The following CARS1 variants were observed in gnomAD, a reference collection of about 807,000 sequenced individuals.
The protein encoded by CARS1 is cysteinyl-tRNA synthetase 1, also known as cysteine--tRNA ligase, cytoplasmic.
CARS1 carries 48 observed loss-of-function variants against 106.2 expected under a neutral mutation model. The ratio of observed to expected loss-of-function variants is 0.45; its 90% CI spans 0.36 to 0.57. The LOEUF is 0.57. Ranked by LOEUF, CARS1 falls within the 20% of genes least tolerant of loss-of-function variation. CARS1 has a pLI of 0.00. For synonymous variants in CARS1, 409 were observed against 403.4 expected (o/e 1.01, Z -0.17); for missense variants, 968 against 1,057.2 (o/e 0.92, Z 1.17).
In CARS1 at chr11:3,043,112, T is replaced by C. The variant is rs1448575919; in HGVS notation, c.275-856A>G. On this transcript the variant is annotated intron_variant, in intron 2 of 22. Transcript: ENST00000380525. This position sits in a 1 kb window ranked among gnomAD's most constrained non-coding sequence, Gnocchi z 4.0. The stretch of plus-strand genomic sequence containing the variant: ...GCCCCTCAGTGCAGTCACCTCCTCC[T>C]GGCCAGACTTCCCTAGTTGTTCCCC... 6.6e-6 allele frequency among the ~76,000 whole-genome samples: 1 copy of C among 152,288 alleles called. No individual in the cohort carries two copies. Among genetic ancestry groups the C allele is most frequent in the East Asian group, 1.9e-4 (1 of 5,178 alleles).
chr11:3,013,447 G>A lies in CARS1; in HGVS notation c.1987-1171C>T, dbSNP rs527906705. 2.0e-5 allele frequency among the ~76,000 whole-genome samples: 3 copies of A among 152,262 alleles called. No homozygotes were observed. In the South Asian group the frequency reaches 6.2e-4, roughly 32 times the overall value. The stretch of plus-strand genomic sequence containing the variant: ...GATTACAGGCGTGAGCCACCATGCT[G>A]TGCTAGCATTTCTCTTTTTCTAATA... On this transcript the variant is annotated intron_variant, in intron 17 of 22. Coordinates refer to ENST00000380525, the MANE Select transcript of CARS1 (RefSeq NM_001014437.3).
At chr11:3,033,613 C>A (rs932079561) in intron 7 of CARS1, among the ~76,000 whole-genome samples, 1 of 152,066 alleles carries the variant, frequency 6.6e-6, no homozygotes, top group African/African-American at 2.4e-5. Context: ...GCCTTAAATT[C>A]TTAAATCAGA....
At chr11:3,023,137 C>T (rs1174400867) in intron 10 of CARS1, among the ~76,000 whole-genome samples, 2 of 152,074 alleles carry the variant, frequency 1.3e-5, no homozygotes, top group African/African-American at 2.4e-5. Flanking sequence ...CTAGATGGGG[C>T]CAGATAGCAA....
rs1213967120 is a variant in CARS1 at position 3,029,367 on chromosome 11, G to C, written c.878C>G (p.Ser293Cys). The change falls in exon 8 of 23, where the codon TCC becomes TGC. Residue 293 changes from serine (S) to cysteine (C), a missense_variant. Physicochemically the swap from Ser to Cys is moderately radical, Grantham distance 112 (BLOSUM62 -1). Coordinates refer to ENST00000380525, the MANE Select transcript of CARS1 (RefSeq NM_001014437.3). This position sits in a 1 kb window ranked among gnomAD's most constrained non-coding sequence, Gnocchi z 5.9. The part of the protein sequence containing the change: ...STLGCDVTDN[S>C]IFSKLPKFWE... ...GAACTTGGGCAGCTTGGAGAAGATG[G>C]AATTGTCAGTGACATCACAGCCAAG... 1.2e-6 allele frequency: 2 copies of C among 1,614,008 alleles called. No individual in the cohort carries two copies. Among genetic ancestry groups the C allele is most frequent in the Non-Finnish European group, 1.7e-6 (2 of 1,179,890 alleles).
chr11:3,049,653 G>C (rs1308585705), intron 1 of CARS1, among the ~76,000 whole-genome samples: 2 of 152,260 alleles, frequency 1.3e-5, no homozygotes, highest in African/African-American at 4.8e-5. Context: ...ACTCAGGGTA[G>C]GAATGCACAT....
At chr11:3,001,892 G>C in intron 22 of CARS1, 78 bp downstream of exon 22, 1 of 1,147,882 alleles carries the variant, frequency 8.7e-7, no homozygotes, top group South Asian at 1.2e-5. Context: ...CTTGTCCAAG[G>C]TTGAAAATTC....
At chr11:3,035,538 T>G (rs1481344718) in intron 7 of CARS1, among the ~76,000 whole-genome samples, 1 of 152,070 alleles carries the variant, frequency 6.6e-6, no homozygotes, top group African/African-American at 2.4e-5. Context: ...CAGGCTGGAG[T>G]GCAGTGGTGT....
At chr11:3,033,948 A>G (rs2134220926) in intron 7 of CARS1, among the ~76,000 whole-genome samples, 1 of 152,298 alleles carries the variant, frequency 6.6e-6, no homozygotes, top group East Asian at 1.9e-4. Context: ...TAAATTTTAA[A>G]TTCTTAAACT....
At chr11:3,001,622 A>G (rs1590299163) in intron 22 of CARS1, among the ~76,000 whole-genome samples, 1 of 152,214 alleles carries the variant, frequency 6.6e-6, no homozygotes, top group African/African-American at 2.4e-5. Context: ...AATCGCTATG[A>G]CAAAGGAAGA....
intron 18 of CARS1, among the ~76,000 whole-genome samples, chr11:3,009,958 G>A (rs533842626): frequency 7.9e-5 from 12 of 152,326 alleles, no homozygotes; most frequent in South Asian, 2.1e-4. Flanking sequence ...CTGCCCCGTC[G>A]GAAGGTCTGA....
chr11:3,050,515 C>G lies in CARS1; in HGVS notation c.26-2514G>C, dbSNP rs2134307455. ...CCCTTGTCACCTGGATTCCTGCAAG[C>G]CAGACACCGCCACCTGTAGCCAGCA... On this transcript the variant is annotated intron_variant, in intron 1 of 22. Coordinates refer to ENST00000380525, the MANE Select transcript of CARS1 (RefSeq NM_001014437.3). This position sits in a 1 kb window ranked among gnomAD's most constrained non-coding sequence, Gnocchi z 6.3. Among the ~76,000 whole-genome samples, 1 of 152,310 alleles carries G rather than the reference C, an allele frequency of 6.6e-6. No homozygotes were observed. The highest frequency in any genetic ancestry group is 1.9e-4 in the East Asian group (1 of 5,178).
At position 3,004,524 on chromosome 11, in the gene CARS1, C is replaced by T. The variant is rs1226043313; in HGVS notation, c.2217+842G>A. 6.6e-6 allele frequency among the ~76,000 whole-genome samples: 1 copy of T among 152,214 alleles called. No homozygotes were observed. Among genetic ancestry groups the T allele is most frequent in the East Asian group, 1.9e-4 (1 of 5,182 alleles). On this transcript the variant is annotated intron_variant, in intron 20 of 22. Transcript: ENST00000380525. The surrounding 1 kb of genome is among the most constrained non-coding windows in gnomAD (Gnocchi z 5.2). ...TTTAAGCCTCTTGGGGACCCACCTGCTGGTGGCAACAGCCCCCATGGCCCA... is the reference window on the plus strand; with the variant it reads ...TTTAAGCCTCTTGGGGACCCACCTGTTGGTGGCAACAGCCCCCATGGCCCA...
chr11:3,056,239 C>A (rs1019892015), intron 1 of CARS1, among the ~76,000 whole-genome samples: 3 of 152,166 alleles, frequency 2.0e-5, no homozygotes, highest in Non-Finnish European at 2.9e-5. Flanking sequence ...AATCTTGGTA[C>A]GATCTAAACT....
chr11:3,013,649 G>C (rs1850714313), intron 17 of CARS1, among the ~76,000 whole-genome samples: 1 of 151,874 alleles, frequency 6.6e-6, no homozygotes, highest in South Asian at 2.1e-4. Flanking sequence ...AGGAGTTCAA[G>C]ACTAGCCTGG....
rs1226165468 is a variant in CARS1, at chr11:3,040,904, C to A, written c.447G>T (p.Gly149=). The A allele has an allele frequency of 3.1e-6, 5 of 1,613,892 alleles. No homozygotes were observed. The East Asian group carries it at 1.1e-4, about 36-fold the overall frequency. Residue 149 remains glycine (G), a synonymous_variant, in exon 4 of 23, where the codon GGG becomes GGT. Transcript: ENST00000380525. The surrounding 1 kb of genome is among the most constrained non-coding windows in gnomAD (Gnocchi z 5.8). ...CCCCGCGGTGGACCTACCTGGCGTG[C>A]CCCATGTGAGATGCGTCATAGACGG... The part of the protein sequence containing the change: ...GPTVYDASHM[G]HARSYISFDI...
Position 3,018,523 on chromosome 11 carries a change from C to T in CARS1, c.1526-12G>A. 3 of 1,613,420 alleles carry T rather than the reference C, an allele frequency of 1.9e-6. No homozygotes were observed. Among genetic ancestry groups the T allele is most frequent in the Non-Finnish European group, 1.7e-6 (2 of 1,179,364 alleles). On this transcript the variant is annotated splice_polypyrimidine_tract_variant and intron_variant, in intron 13 of 22. Coordinates refer to ENST00000380525, the MANE Select transcript of CARS1 (RefSeq NM_001014437.3). ...CCGCAACTGCCGTGCTGTGGGGGGA[C>T]ACAAGACAGCCAACGCCCTTATTCT... is the stretch of plus-strand genomic sequence containing the variant.
rs764592276 is a variant in CARS1, at chr11:3,041,070, T to C, written c.367-86A>G. ...CCAAAAACAGCAACAAACATCACAGTGTGGTTTGTGTTTAGTGTAAACAAT... is the reference window on the plus strand; with the variant it reads ...CCAAAAACAGCAACAAACATCACAGCGTGGTTTGTGTTTAGTGTAAACAAT... On this transcript the variant is annotated intron_variant, in intron 3 of 22. Transcript: ENST00000380525. The surrounding 1 kb of genome is among the most constrained non-coding windows in gnomAD (Gnocchi z 4.9). The C allele has an allele frequency of 6.2e-7, 1 of 1,606,290 alleles. No homozygotes were observed. The highest frequency in any genetic ancestry group is 8.5e-7 in the Non-Finnish European group (1 of 1,175,282).
rs943219138 is a variant in CARS1, at chr11:3,037,800, G to A, written c.801+250C>T. Among the ~76,000 whole-genome samples, 22 of 152,124 alleles carry A rather than the reference G, an allele frequency of 1.4e-4. No homozygotes were observed. Among genetic ancestry groups the A allele is most frequent in the Admixed American group, 1.1e-3 (17 of 15,274 alleles). ...CCTATCTGATGGAAGTGGTGGGAGGGTGTGGATCCCGAGTCTCCTTCCAGT... is the reference window on the plus strand; with the variant it reads ...CCTATCTGATGGAAGTGGTGGGAGGATGTGGATCCCGAGTCTCCTTCCAGT... On this transcript the variant is annotated intron_variant, in intron 7 of 22. Coordinates refer to ENST00000380525, the MANE Select transcript of CARS1 (RefSeq NM_001014437.3). The surrounding 1 kb of genome is among the most constrained non-coding windows in gnomAD (Gnocchi z 5.9).
At position 3,037,163 on chromosome 11, in the gene CARS1, C is replaced by T. The variant is rs573190832; in HGVS notation, c.801+887G>A. 6.6e-6 allele frequency among the ~76,000 whole-genome samples: 1 copy of T among 152,204 alleles called. No homozygotes were observed. Among genetic ancestry groups the T allele is most frequent in the Non-Finnish European group, 1.5e-5 (1 of 68,036 alleles). On this transcript the variant is annotated intron_variant, in intron 7 of 22. Coordinates refer to ENST00000380525, the MANE Select transcript of CARS1 (RefSeq NM_001014437.3). The surrounding 1 kb of genome is among the most constrained non-coding windows in gnomAD (Gnocchi z 5.9). ...GCAGTGACAGTGACCACATGTGGGT[C>T]GTCCCAGAAGCACAGCTTGGGTGAA...
Sources: allele counts gnomAD v4.1 joint callset (sites outside exome capture counted in the v4.1 genomes callset), GRCh38; gene constraint gnomAD v4.1.1; non-coding constraint Gnocchi (gnomAD v3.1); transcripts MANE v1.5; gene names NCBI Gene and HGNC (gene_info 2026-07-23, HGNC 2026-07-21).